The following DCLK1 variants were observed in gnomAD, a reference collection of about 807,000 sequenced individuals.
DCLK1 encodes serine/threonine-protein kinase DCLK1.
Under a neutral mutation model 86.2 loss-of-function variants are expected in DCLK1, and 16 were observed. The observed-to-expected ratio is 0.19, with a 90% CI of 0.13 to 0.28. The LOEUF (loss-of-function observed/expected upper bound fraction) is 0.28. Ranked by LOEUF, DCLK1 falls within the 10% of genes least tolerant of loss-of-function variation. The probability of loss-of-function intolerance (pLI) is 1.00; values close to 1 mark genes in which losing one functional copy is unlikely to be tolerated. For synonymous variants in DCLK1, 369 were observed against 370.5 expected, an observed-to-expected ratio of 1.00 and a Z score of 0.05; for missense variants, 590 against 940.2, an observed-to-expected ratio of 0.63 and a Z score of 4.87.
chr13:36,017,603 CA>C (rs1419665547), intron 3 of DCLK1, among the ~76,000 whole-genome samples: 1 of 152,154 alleles, frequency 6.6e-6, no homozygotes, highest in Non-Finnish European at 1.5e-5. Flanking sequence ...CATTTTACAG[CA>C]GATATTTAAT....
intron 4 of DCLK1, among the ~76,000 whole-genome samples, chr13:35,917,592 T>C (rs527950433): frequency 2.6e-5 from 4 of 152,260 alleles, no homozygotes; most frequent in South Asian, 2.1e-4. Context: ...TGCCAAGCCT[T>C]GTGTGATCCA....
intron 2 of DCLK1, among the ~76,000 whole-genome samples, chr13:36,113,563 T>C (rs187408170): frequency 1.3e-5 from 2 of 152,214 alleles, no homozygotes; most frequent in African/African-American, 4.8e-5. Flanking sequence ...GAAACAGCAG[T>C]GTTTTGGGAG....
intron 3 of DCLK1, among the ~76,000 whole-genome samples, chr13:36,007,509 G>A (rs1242514797): frequency 2.0e-5 from 3 of 152,174 alleles, no homozygotes; most frequent in Non-Finnish European, 4.4e-5. Context: ...TTGGGGTTGT[G>A]AGTAGAGATG....
chr13:35,879,562 T>C (rs1872767810), intron 4 of DCLK1, among the ~76,000 whole-genome samples: 2 of 152,182 alleles, frequency 1.3e-5, no homozygotes, highest in East Asian at 1.9e-4. Flanking sequence ...TCCTGAGGGA[T>C]AGGCGGTTTA....
intron 11 of DCLK1, among the ~76,000 whole-genome samples, chr13:35,819,712 T>C (rs545060865): frequency 1.4e-4 from 22 of 152,216 alleles, no homozygotes; most frequent in African/African-American, 4.6e-4. Flanking sequence ...AAATAGTCTA[T>C]AGCTTTACAT....
intron 11 of DCLK1, among the ~76,000 whole-genome samples, chr13:35,819,008 T>A (rs552531469): frequency 2.0e-5 from 3 of 152,080 alleles, no homozygotes; most frequent in South Asian, 2.1e-4. Flanking sequence ...TGGGAATGTT[T>A]TGGGCTTGCC....
In DCLK1 at chr13:35,770,062, T is replaced by G. The variant is rs2086302298; in HGVS notation, c.*4473A>C. Reference sequence around the variant, plus strand: ...ACTGAAGTTCCTGTTTCCCACCAGTTTACGACCCTTAATGTTACTGCATGT... The same window carrying G: ...ACTGAAGTTCCTGTTTCCCACCAGTGTACGACCCTTAATGTTACTGCATGT... On this transcript the variant is annotated 3_prime_UTR_variant, in exon 17 of 17. Coordinates refer to ENST00000360631, the MANE Select transcript of DCLK1 (RefSeq NM_001330071.2). 2 of 152,206 alleles carry G rather than the reference T, an allele frequency of 1.3e-5. 1 individual carries two copies. The highest frequency in any genetic ancestry group is 2.9e-5 in the Non-Finnish European group (2 of 68,034). The allele number at this position is 152,206 out of a possible 1,614,324, so 9.4% of individuals were successfully genotyped here. A position where few individuals can be genotyped will look rare whatever the true frequency, so the allele number is the denominator to read the frequency against.
chr13:35,941,316 G>T (rs1000649983), intron 4 of DCLK1, among the ~76,000 whole-genome samples: 2 of 152,150 alleles, frequency 1.3e-5, no homozygotes, highest in East Asian at 1.9e-4. Context: ...AATGGTACCT[G>T]ATACAGCTTC....
chr13:35,883,891 G>A (rs1310930338), intron 4 of DCLK1, among the ~76,000 whole-genome samples: 1 of 152,202 alleles, frequency 6.6e-6, no homozygotes, highest in Non-Finnish European at 1.5e-5. Flanking sequence ...CTTGCACAGT[G>A]CAGTGGCTTC....
At chr13:36,082,339 A>T (rs919091278) in intron 3 of DCLK1, among the ~76,000 whole-genome samples, 2 of 152,198 alleles carry the variant, frequency 1.3e-5, no homozygotes, top group Non-Finnish European at 2.9e-5. Context: ...AGCTTACTTT[A>T]TTATAAGAAT....
At chr13:35,828,935 C>T (rs1462485683) in intron 8 of DCLK1, among the ~76,000 whole-genome samples, 1 of 152,102 alleles carries the variant, frequency 6.6e-6, no homozygotes, top group African/African-American at 2.4e-5. Context: ...GTGTGAGAGC[C>T]TGTGTGAGTT....
intron 6 of DCLK1, 148 bp from the exon 7 acceptor site, chr13:35,839,324 A>G (rs2153107973): frequency 1.6e-6 from 1 of 619,086 alleles, no homozygotes; most frequent in African/African-American, 1.8e-5. Flanking sequence ...CGCCTTCAGC[A>G]TATTCAACTG....
intron 16 of DCLK1, chr13:35,787,739 G>A (rs898305347): frequency 5.7e-6 from 1 of 175,904 alleles, no homozygotes; most frequent in Non-Finnish European, 1.2e-5. Flanking sequence ...ATTGTACTTT[G>A]AGGCGCTTCT....
intron 3 of DCLK1, among the ~76,000 whole-genome samples, chr13:36,016,897 T>C (rs1395046781): frequency 1.3e-5 from 2 of 152,220 alleles, no homozygotes; most frequent in African/African-American, 4.8e-5. Context: ...ACTTCACATT[T>C]ACAACACACC....
chr13:35,928,390 C>T (rs1425419165), intron 4 of DCLK1, among the ~76,000 whole-genome samples: 3 of 152,208 alleles, frequency 2.0e-5, no homozygotes, highest in East Asian at 1.9e-4. Flanking sequence ...TCCCTCTGCC[C>T]GGGGATGATT....
chr13:35,975,016 G>A (rs1879262398), intron 3 of DCLK1, among the ~76,000 whole-genome samples: 1 of 152,224 alleles, frequency 6.6e-6, no homozygotes, highest in South Asian at 2.1e-4. Context: ...CCATTTCCAT[G>A]CTTAGTGTGC....
intron 7 of DCLK1, 26 bp from the exon 8 acceptor site, chr13:35,836,167 A>C (rs1428994732): frequency 6.3e-7 from 1 of 1,575,350 alleles, no homozygotes; most frequent in East Asian, 2.2e-5. Context: ...ATACTTTTTT[A>C]TTGGTTGAAA....
At position 35,820,542 on chromosome 13, in the gene DCLK1, T is replaced by G. The variant is rs112474088; in HGVS notation, c.1554+2187A>C. ...GGCATTTACAGAAAGAGATAACACT[T>G]CAGCGAGGAGTAAGTGAACAATGGG... On this transcript the variant is annotated intron_variant, in intron 11 of 16. Transcript: ENST00000360631. Among the ~76,000 whole-genome samples the G allele has an allele frequency of 3.7e-3, 569 of 152,232 alleles. 2 individuals are homozygous for G. Among genetic ancestry groups the G allele is most frequent in the African/African-American group, 0.013 (533 of 41,544 alleles).
Position 35,771,092 on chromosome 13 carries a change from C to T in DCLK1, c.*3443G>A, listed in dbSNP as rs1396381944. ...GGGATAGAGTTGTCTAGTGGACGCCCTTGGCCAGTAAACAACCATGATTTA... is the reference window on the plus strand; with the variant it reads ...GGGATAGAGTTGTCTAGTGGACGCCTTTGGCCAGTAAACAACCATGATTTA... On this transcript the variant is annotated 3_prime_UTR_variant, in exon 17 of 17. Coordinates refer to ENST00000360631, the MANE Select transcript of DCLK1 (RefSeq NM_001330071.2). 1 of 152,202 alleles carries T rather than the reference C, an allele frequency of 6.6e-6. No individual in the cohort carries two copies. The highest frequency in any genetic ancestry group is 2.4e-5 in the African/African-American group (1 of 41,446). The allele number at this position is 152,202 out of a possible 1,614,324, so 9.4% of individuals were successfully genotyped here.
Sources: gnomAD v4.1 joint callset for allele counts (sites outside exome capture counted in the v4.1 genomes callset) on GRCh38, gnomAD v4.1.1 for gene constraint, MANE v1.5 for transcripts, NCBI Gene and HGNC (gene_info 2026-07-23, HGNC 2026-07-21) for gene names.